The following CSMD1 variants were observed in gnomAD, a reference collection of about 807,000 sequenced individuals.
CSMD1 encodes CUB and Sushi multiple domains 1, also known as CUB and sushi domain-containing protein 1.
A neutral mutation model predicts 417.5 loss-of-function variants in CSMD1; 213 were observed. The ratio of observed to expected loss-of-function variants is 0.51; its 90% CI spans 0.46 to 0.57. The LOEUF (loss-of-function observed/expected upper bound fraction) is 0.57, where lower values mean the gene tolerates loss of function less well. Among genes scored for constraint, CSMD1 ranks in the 20% least tolerant of loss-of-function variants. The pLI, the probability that CSMD1 is intolerant of heterozygous loss-of-function variation, is 0.00. For missense variants in CSMD1, 6,923 were observed against 4,529.7 expected, an observed-to-expected ratio of 1.53 and a Z score of -15.17; for synonymous variants, 2,862 against 1,736.8, an observed-to-expected ratio of 1.65 and a Z score of -16.11.
intron 6 of CSMD1, among the ~76,000 whole-genome samples, chr8:3,720,870 G>A (rs1039332638): frequency 4.0e-5 from 6 of 151,072 alleles, no homozygotes; most frequent in Non-Finnish European, 8.8e-5. Flanking sequence ...GAAGTGCAAT[G>A]GCGTGATCTC....
rs73661532 is a variant in CSMD1 at position 4,557,714 on chromosome 8, T to C, written c.302+79628A>G. 5.0e-3 allele frequency among the ~76,000 whole-genome samples: 761 copies of C among 152,224 alleles called. 4 individuals are homozygous for C. The highest frequency in any genetic ancestry group is 0.018 in the African/African-American group (730 of 41,544). On this transcript the variant is annotated intron_variant, in intron 2 of 69. Coordinates refer to ENST00000635120, the MANE Select transcript of CSMD1 (RefSeq NM_033225.6). Reference sequence around the variant, plus strand: ...AAGGAAGGAAAAAGGTCAGATTTAATAAATTTCTATACAGCAAAGGGTCAA... The same window carrying C: ...AAGGAAGGAAAAAGGTCAGATTTAACAAATTTCTATACAGCAAAGGGTCAA...
intron 1 of CSMD1, among the ~76,000 whole-genome samples, chr8:4,803,088 A>C (rs1798394859): frequency 6.6e-6 from 1 of 152,324 alleles, no homozygotes; most frequent in African/African-American, 2.4e-5. Flanking sequence ...AGAAAAGTAC[A>C]ATTGCTTAGT....
chr8:4,862,256 C>G (rs1421433993), intron 1 of CSMD1, among the ~76,000 whole-genome samples: 1 of 152,032 alleles, frequency 6.6e-6, no homozygotes, highest in African/African-American at 2.4e-5. Flanking sequence ...ACGAGATGAG[C>G]TCACAGAGGT....
chr8:4,163,891 G>A (rs1286382738), intron 3 of CSMD1, among the ~76,000 whole-genome samples: 1 of 152,110 alleles, frequency 6.6e-6, no homozygotes, highest in Non-Finnish European at 1.5e-5. Context: ...CACTGGGTTT[G>A]AATCAAGGTT....
At chr8:4,329,283 C>CA (rs1221406027) in intron 3 of CSMD1, among the ~76,000 whole-genome samples, 1 of 151,958 alleles carries the variant, frequency 6.6e-6, no homozygotes, top group Non-Finnish European at 1.5e-5. Context: ...AATGCTTGAA[C>CA]AAAAAAATAC....
chr8:4,061,108 G>C (rs972148099), intron 3 of CSMD1, among the ~76,000 whole-genome samples: 1 of 152,152 alleles, frequency 6.6e-6, no homozygotes, highest in South Asian at 2.1e-4. Flanking sequence ...ATCTTATGGA[G>C]AATATAAAGA....
At chr8:4,611,620 C>A (rs553462096) in intron 2 of CSMD1, among the ~76,000 whole-genome samples, 1 of 152,144 alleles carries the variant, frequency 6.6e-6, no homozygotes, top group East Asian at 1.9e-4. Flanking sequence ...TCTCTTTAAC[C>A]TCCTATAAAT....
intron 26 of CSMD1, among the ~76,000 whole-genome samples, chr8:3,281,220 A>G (rs1584922418): frequency 6.6e-6 from 1 of 152,164 alleles, no homozygotes; most frequent in African/African-American, 2.4e-5. Context: ...AGGCAGGTGG[A>G]TCACCTGAGG....
intron 1 of CSMD1, among the ~76,000 whole-genome samples, chr8:4,708,772 A>G (rs1479115483): frequency 6.6e-6 from 1 of 152,126 alleles, no homozygotes; most frequent in Non-Finnish European, 1.5e-5. Flanking sequence ...ATGGGACTAT[A>G]TTTGGAGAGA....
intron 2 of CSMD1, among the ~76,000 whole-genome samples, chr8:4,432,180 G>T (rs1768519221): frequency 6.6e-6 from 1 of 152,148 alleles, no homozygotes; most frequent in Admixed American, 6.5e-5. Context: ...CAATTATATT[G>T]CGAAGTTTGA....
chr8:4,342,823 A>G (rs1210150544), intron 3 of CSMD1, among the ~76,000 whole-genome samples: 2 of 152,044 alleles, frequency 1.3e-5, no homozygotes, highest in Non-Finnish European at 2.9e-5. Context: ...ACAACATCGC[A>G]AAGAAAAAGC....
chr8:4,606,498 G>C (rs1800875860), intron 2 of CSMD1, among the ~76,000 whole-genome samples: 1 of 152,108 alleles, frequency 6.6e-6, no homozygotes, highest in Admixed American at 6.5e-5. Flanking sequence ...ACCACTCTTG[G>C]TTCTGTGTGT....
chr8:3,219,739 G>A (rs756116413), intron 28 of CSMD1, among the ~76,000 whole-genome samples: 13 of 152,018 alleles, frequency 8.6e-5, no homozygotes, highest in Non-Finnish European at 1.9e-4. Context: ...TATCCTTTCC[G>A]TGTACTCATT....
At chr8:4,731,197 G>A (rs1027853226) in intron 1 of CSMD1, among the ~76,000 whole-genome samples, 5 of 152,122 alleles carry the variant, frequency 3.3e-5, no homozygotes, top group Non-Finnish European at 7.3e-5. Flanking sequence ...TTCCACTACT[G>A]TTTGGAAGCG....
chr8:4,114,363 T>A (rs1458260330), intron 3 of CSMD1, among the ~76,000 whole-genome samples: 2 of 152,214 alleles, frequency 1.3e-5, no homozygotes, highest in African/African-American at 4.8e-5. Context: ...ATTTTAAGCC[T>A]ACTGTTGAGA....
At chr8:4,223,819 C>A (rs185668243) in intron 3 of CSMD1, among the ~76,000 whole-genome samples, 1 of 152,152 alleles carries the variant, frequency 6.6e-6, no homozygotes, top group Non-Finnish European at 1.5e-5. Flanking sequence ...ACCAGTGAAA[C>A]TGTTTTCTTT....
chr8:4,318,599 T>C (rs141189369), intron 3 of CSMD1, among the ~76,000 whole-genome samples: 8 of 152,178 alleles, frequency 5.3e-5, no homozygotes, highest in South Asian at 4.1e-4. Flanking sequence ...TTGAAATGTT[T>C]ACCCTTATTG....
At chr8:4,275,640 C>T (rs907951228) in intron 3 of CSMD1, among the ~76,000 whole-genome samples, 1 of 152,032 alleles carries the variant, frequency 6.6e-6, no homozygotes, top group Non-Finnish European at 1.5e-5. Context: ...TGCACATCTT[C>T]CTAAAAATGC....
At chr8:4,568,289 C>G (rs1023744412) in intron 2 of CSMD1, among the ~76,000 whole-genome samples, 2 of 152,122 alleles carry the variant, frequency 1.3e-5, no homozygotes, top group African/African-American at 4.8e-5. Flanking sequence ...CCTTACCCCA[C>G]CACCCGAAAG....
Sources: gnomAD v4.1 joint callset for allele counts (sites outside exome capture counted in the v4.1 genomes callset) on GRCh38, gnomAD v4.1.1 for gene constraint, MANE v1.5 for transcripts, NCBI Gene and HGNC (gene_info 2026-07-23, HGNC 2026-07-21) for gene names.